The following BABAM2 variants were observed in gnomAD, a reference collection of about 807,000 sequenced individuals.
BABAM2 encodes the protein BRISC and BRCA1 A complex member 2.
BABAM2 carries 31 observed loss-of-function variants against 54.7 expected under a neutral mutation model. The observed-to-expected ratio is 0.57, with a 90% CI of 0.43 to 0.77. BABAM2 has a LOEUF of 0.77. Ranked by LOEUF, BABAM2 falls within the 30% of genes least tolerant of loss-of-function variation. The pLI, the probability that BABAM2 is intolerant of heterozygous loss-of-function variation, is 0.00. For synonymous variants in BABAM2, 167 were observed against 162.9 expected (o/e 1.03, Z -0.19); for missense variants, 364 against 455.8 (o/e 0.80, Z 1.83).
intron 11 of BABAM2, among the ~76,000 whole-genome samples, chr2:28,318,668 C>T (rs561460614): frequency 5.3e-5 from 8 of 152,244 alleles, no homozygotes; most frequent in Middle Eastern, 3.4e-3. Context: ...CTTATTTTGC[C>T]GTGTTTTTAC....
intron 9 of BABAM2, among the ~76,000 whole-genome samples, chr2:28,243,393 G>C (rs949547642): frequency 1.3e-5 from 2 of 152,002 alleles, no homozygotes; most frequent in African/African-American, 4.8e-5. Context: ...TTAGCTGGGC[G>C]TGGTGGCGGG....
chr2:28,165,760 C>T (rs1266468265), intron 7 of BABAM2, among the ~76,000 whole-genome samples: 1 of 151,844 alleles, frequency 6.6e-6, no homozygotes, highest in Admixed American at 6.6e-5. Flanking sequence ...GTCTTGAACT[C>T]CTGGCCTCAA....
chr2:27,958,406 C>T (rs1670240266), intron 3 of BABAM2, among the ~76,000 whole-genome samples: 1 of 151,452 alleles, frequency 6.6e-6, no homozygotes, highest in Non-Finnish European at 1.5e-5. Context: ...GAATTCACAA[C>T]TGATGACAGT....
intron 2 of BABAM2, among the ~76,000 whole-genome samples, chr2:27,899,476 GTT>G (rs10710226): frequency 5.1e-4 from 74 of 144,422 alleles, no homozygotes; most frequent in Admixed American, 1.3e-3. Context: ...TAGTCCTAGT[GTT>G]TTTTTTTTTT....
intron 6 of BABAM2, among the ~76,000 whole-genome samples, chr2:28,073,080 C>T (rs1166012340): frequency 6.6e-6 from 1 of 152,196 alleles, no homozygotes; most frequent in Non-Finnish European, 1.5e-5. Flanking sequence ...GCTGGCTCTG[C>T]CGTTTATCAG....
chr2:28,211,546 C>A (rs539561998), intron 7 of BABAM2, among the ~76,000 whole-genome samples: 3 of 152,030 alleles, frequency 2.0e-5, no homozygotes, highest in African/African-American at 7.2e-5. Context: ...TGCCACCACG[C>A]CCAGCTAATT....
intron 2 of BABAM2, among the ~76,000 whole-genome samples, chr2:27,929,174 C>T (rs1667925514): frequency 6.6e-6 from 1 of 151,990 alleles, no homozygotes. Context: ...AGAGATTGCA[C>T]CAATGCACTC....
chr2:28,322,574 A>C lies in BABAM2; in HGVS notation c.1089-15876A>C, dbSNP rs1404967459. ...ACAAGATCCTGAGGTCTCGCCCAACAGCAAGGTTCTCTGGTTAGCACCAAA... is the reference window on the plus strand; with the variant it reads ...ACAAGATCCTGAGGTCTCGCCCAACCGCAAGGTTCTCTGGTTAGCACCAAA... On this transcript the variant is annotated intron_variant, in intron 11 of 11. Coordinates refer to ENST00000379624, the MANE Select transcript of BABAM2 (RefSeq NM_199191.3). The surrounding 1 kb of genome is among the most constrained non-coding windows in gnomAD (Gnocchi z 4.1). Among the ~76,000 whole-genome samples the C allele has an allele frequency of 6.6e-6, 1 of 152,248 alleles. No individual in the cohort carries two copies. Among genetic ancestry groups the C allele is most frequent in the Non-Finnish European group, 1.5e-5 (1 of 68,040 alleles).
chr2:28,263,099 C>CACTTATTTGAGG (rs1684667752), intron 10 of BABAM2, among the ~76,000 whole-genome samples: 1 of 137,100 alleles, frequency 7.3e-6, no homozygotes, highest in African/African-American at 2.7e-5. Context: ...GGTATGATTC[C>CACTTATTTGAGG]ACTTATTTGA....
chr2:28,064,623 C>T (rs1188351810), intron 6 of BABAM2, among the ~76,000 whole-genome samples: 2 of 152,184 alleles, frequency 1.3e-5, no homozygotes, highest in Admixed American at 1.3e-4. Flanking sequence ...AGAAAATTGT[C>T]ATAGACCCAT....
intron 10 of BABAM2, among the ~76,000 whole-genome samples, chr2:28,286,675 TCATCTA>T (rs1686846310): frequency 1.3e-5 from 2 of 152,222 alleles, no homozygotes; most frequent in Non-Finnish European, 1.5e-5. Context: ...CAAAGCAGTC[TCATCTA>T]ATAAGCCTCC....
chr2:28,196,220 G>A lies in BABAM2; in HGVS notation c.681-40982G>A, dbSNP rs914870447. 2.0e-5 allele frequency among the ~76,000 whole-genome samples: 3 copies of A among 151,698 alleles called. No homozygotes were observed. The East Asian group carries it at 5.8e-4, about 29-fold the overall frequency. On this transcript the variant is annotated intron_variant, in intron 7 of 11. Transcript: ENST00000379624. ...CGGGTGCCTGTAGTCCCAGCTACTC[G>A]GGAGGCTGAGGTAGGAGAATGGTGT...
At chr2:28,261,674 C>T (rs1684551441) in intron 10 of BABAM2, among the ~76,000 whole-genome samples, 1 of 152,094 alleles carries the variant, frequency 6.6e-6, no homozygotes, top group African/African-American at 2.4e-5. Flanking sequence ...ATCATGTCAT[C>T]TGCAGATGAC....
rs554999376 is a variant in BABAM2 at position 28,113,372 on chromosome 2, G to A, written c.571-15899G>A. ...GGTTCAATTTCAGTTTTCTGCATAA[G>A]GATAGCCAGTTTTCCCAACGCTATG... is the stretch of plus-strand genomic sequence containing the variant. On this transcript the variant is annotated intron_variant, in intron 6 of 11. Coordinates refer to ENST00000379624, the MANE Select transcript of BABAM2 (RefSeq NM_199191.3). 1.3e-3 allele frequency among the ~76,000 whole-genome samples: 201 copies of A among 152,218 alleles called. No individual in the cohort carries two copies. In the South Asian group the frequency reaches 0.015, roughly 11 times the overall value.
intron 5 of BABAM2, among the ~76,000 whole-genome samples, chr2:28,027,009 T>A (rs548563330): frequency 1.6e-5 from 2 of 124,042 alleles, no homozygotes; most frequent in African/African-American, 6.5e-5. Flanking sequence ...AATATATATA[T>A]AAAAGAAACC....
intron 4 of BABAM2, among the ~76,000 whole-genome samples, chr2:28,012,087 T>G (rs554458895): frequency 1.3e-5 from 2 of 152,208 alleles, no homozygotes; most frequent in Admixed American, 1.3e-4. Flanking sequence ...TAATTTCTTG[T>G]AAAGAAACAC....
At chr2:28,272,879 G>A (rs866179939) in intron 10 of BABAM2, among the ~76,000 whole-genome samples, 6 of 152,298 alleles carry the variant, frequency 3.9e-5, no homozygotes, top group Non-Finnish European at 5.9e-5. Flanking sequence ...GGGGACTGAC[G>A]TGGCTGGGAC....
intron 6 of BABAM2, among the ~76,000 whole-genome samples, chr2:28,109,361 T>C (rs546699101): frequency 1.3e-5 from 2 of 152,088 alleles, no homozygotes; most frequent in Admixed American, 6.6e-5. Context: ...GCTAATTTTT[T>C]GTATTTTTAG....
intron 4 of BABAM2, among the ~76,000 whole-genome samples, chr2:28,018,175 G>GTCATTCTTATACCTTTGTGTCC (rs1189001879): frequency 6.6e-6 from 1 of 152,086 alleles, no homozygotes; most frequent in Admixed American, 6.6e-5. Flanking sequence ...AGTCCAATGC[G>GTCATTCTTATACCTTTGTGTCC]TCATTCTTAT....
Sources: gnomAD v4.1 joint callset for allele counts (sites outside exome capture counted in the v4.1 genomes callset) on GRCh38, gnomAD v4.1.1 for gene constraint, Gnocchi (gnomAD v3.1) non-coding constraint, MANE v1.5 for transcripts, NCBI Gene and HGNC (gene_info 2026-07-23, HGNC 2026-07-21) for gene names.